The following YIF1B variants were observed in gnomAD, a reference collection of about 807,000 sequenced individuals.
The protein encoded by YIF1B is Yip1 interacting factor homolog B, membrane trafficking protein, also known as protein YIF1B.
In YIF1B, 24 loss-of-function variants were observed where a neutral mutation model predicts 34.6. The observed-to-expected ratio is 0.69, with a 90% CI of 0.50 to 0.98. The LOEUF (loss-of-function observed/expected upper bound fraction) is 0.98, where lower values mean the gene tolerates loss of function less well. Among genes scored for constraint, YIF1B ranks in the 50% least tolerant of loss-of-function variants. YIF1B has a pLI of 0.00. For missense variants in YIF1B, 368 were observed against 429.4 expected (o/e 0.86, Z 1.26); for synonymous variants, 186 against 184.8 (o/e 1.01, Z -0.05).
chr19:38,314,683 G>A (rs1207641447), intron 1 of YIF1B, among the ~76,000 whole-genome samples: 2 of 134,316 alleles, frequency 1.5e-5, no homozygotes, highest in Non-Finnish European at 3.0e-5. Context: ...GTGCAATCTC[G>A]CCTCAGTGCA....
upstream of YIF1B, among the ~76,000 whole-genome samples, chr19:38,318,137 G>A (rs935759517): frequency 1.7e-4 from 24 of 137,172 alleles, no homozygotes; most frequent in African/African-American, 4.8e-4. Flanking sequence ...AGGTTGCAGC[G>A]AGCCGAGATT....
intron 1 of YIF1B, among the ~76,000 whole-genome samples, chr19:38,314,600 G>A (rs1969464494): frequency 6.6e-6 from 1 of 151,108 alleles, no homozygotes; most frequent in Non-Finnish European, 1.5e-5. Flanking sequence ...GGAGGCCAAG[G>A]CAGGTGGATC....
upstream of YIF1B, among the ~76,000 whole-genome samples, chr19:38,316,547 G>A (rs559886310): frequency 6.6e-5 from 10 of 152,284 alleles, no homozygotes; most frequent in East Asian, 1.7e-3. Flanking sequence ...GTTCTCTGCA[G>A]ACAGCCGTTC....
chr19:38,320,173 G>C, upstream of YIF1B: 1 of 1,599,548 alleles, frequency 6.3e-7, no homozygotes, highest in Non-Finnish European at 8.5e-7. Context: ...GCTGGGGCGG[G>C]TCGTGCTTGC....
Position 38,305,418 on chromosome 19 carries a change from C to CAGGT in YIF1B, c.875_878dup (p.Thr294ProfsTer77). Reference sequence around the variant, plus strand: ...GCTGCGCCGCCGCCACCGCCATGGTCAGGTACATGCGCAGCTGGTTCCGGG... The same window carrying CAGGT: ...GCTGCGCCGCCGCCACCGCCATGGTCAGGTAGGTACATGCGCAGCTGGTTCCGGG... On this transcript the variant is annotated frameshift_variant, in exon 8 of 8. Coordinates refer to ENST00000339413, the MANE Select transcript of YIF1B (RefSeq NM_001039672.3). LOFTEE classifies it high-confidence loss of function. 1 of 1,610,944 alleles carries CAGGT rather than the reference C, an allele frequency of 6.2e-7. No homozygotes were observed. Among genetic ancestry groups the CAGGT allele is most frequent in the Non-Finnish European group, 8.5e-7 (1 of 1,178,554 alleles).
chr19:38,320,210 C>G, upstream of YIF1B: 2 of 1,603,322 alleles, frequency 1.2e-6, no homozygotes, highest in Non-Finnish European at 1.7e-6. Context: ...GCCAACGCCT[C>G]GGACCCCGCC....
upstream of YIF1B, chr19:38,320,344 C>A: frequency 6.6e-7 from 1 of 1,517,180 alleles, no homozygotes. Flanking sequence ...CTGGGGACCC[C>A]GGGGCCCTCA....
intron 1 of YIF1B, among the ~76,000 whole-genome samples, chr19:38,311,506 A>G (rs1286871437): frequency 6.6e-6 from 1 of 152,052 alleles, no homozygotes; most frequent in Non-Finnish European, 1.5e-5. Context: ...CCAGCTGCCA[A>G]TGCTATCATC....
upstream of YIF1B, chr19:38,319,795 G>T (rs1333867362): frequency 2.6e-6 from 2 of 768,646 alleles, no homozygotes; most frequent in Admixed American, 4.3e-5. Flanking sequence ...GCATTCCTCC[G>T]TCGCCGCCCC....
upstream of YIF1B, among the ~76,000 whole-genome samples, chr19:38,318,434 C>T (rs1241341282): frequency 2.6e-5 from 4 of 152,072 alleles, no homozygotes; most frequent in East Asian, 5.8e-4. Flanking sequence ...CAGACGCATG[C>T]CACCACACTT....
chr19:38,308,929 A>C, intron 4 of YIF1B, 50 bp downstream of exon 4: 1 of 1,613,132 alleles, frequency 6.2e-7, no homozygotes, highest in Non-Finnish European at 8.5e-7. Context: ...CACCCGCTCC[A>C]TATAGGCCCG....
In YIF1B at chr19:38,305,442, G is replaced by A; in HGVS notation, c.855C>T (p.Ala285=). ...TCAGGTACATGCGCAGCTGGTTCCG[G>A]GCCCCACGCACCGGGACCCCCTCAG... ...AAAEGVPVRG[A]RNQLRMYLTM... The change falls in exon 8 of 8, where the codon GCC becomes GCT. Residue 285 remains alanine (A), a synonymous_variant. Transcript: ENST00000339413. 2 of 1,610,376 alleles carry A rather than the reference G, an allele frequency of 1.2e-6. No homozygotes were observed. Among genetic ancestry groups the A allele is most frequent in the South Asian group, 2.2e-5 (2 of 90,920 alleles).
upstream of YIF1B, chr19:38,320,291 G>T (rs371193964): frequency 2.6e-4 from 421 of 1,603,130 alleles, no homozygotes; most frequent in Non-Finnish European, 3.3e-4. Flanking sequence ...GCGCCTCACC[G>T]CAAGGCGGCG....
intron 1 of YIF1B, among the ~76,000 whole-genome samples, chr19:38,311,292 AAAAAAAC>A (rs1038925515): frequency 3.9e-5 from 6 of 152,032 alleles, no homozygotes; most frequent in East Asian, 1.9e-4. Context: ...GTCTCAAAAA[AAAAAAAC>A]AAAAAACAAA....
At chr19:38,314,004 T>TAA (rs1324789213) in intron 1 of YIF1B, among the ~76,000 whole-genome samples, 1 of 152,184 alleles carries the variant, frequency 6.6e-6, no homozygotes, top group East Asian at 1.9e-4. Flanking sequence ...GGCACAGGCC[T>TAA]CCAATGCCTT....
chr19:38,311,177 C>T (rs924364100), intron 1 of YIF1B, among the ~76,000 whole-genome samples: 6 of 151,870 alleles, frequency 4.0e-5, no homozygotes, highest in Non-Finnish European at 7.4e-5. Context: ...GTCCCAGCTA[C>T]TCGGGAGGCC....
chr19:38,320,651 C>T (rs182092147), upstream of YIF1B, among the ~76,000 whole-genome samples: 16 of 152,162 alleles, frequency 1.1e-4, no homozygotes, highest in East Asian at 3.1e-3. Context: ...CTCCGCCTCC[C>T]GGTTTCAAGC....
chr19:38,316,247 C>A (rs1015279504), upstream of YIF1B, among the ~76,000 whole-genome samples: 1 of 152,126 alleles, frequency 6.6e-6, no homozygotes, highest in African/African-American at 2.4e-5. Context: ...GGCTCACGCC[C>A]CTAACTCCAG....
rs755946845 is a variant in YIF1B, at chr19:38,309,202, A to C, written c.402+22T>G. The C allele has an allele frequency of 3.7e-6, 6 of 1,612,390 alleles. No homozygotes were observed. The East Asian group carries it at 1.1e-4, about 30-fold the overall frequency. On this transcript the variant is annotated intron_variant, in intron 3 of 7. Transcript: ENST00000339413. The stretch of plus-strand genomic sequence containing the variant: ...CCCCCCACAGGCCCACTGCAGACCC[A>C]CATTCCCCTGGGGGTGCTGACCTGG...
Sources: allele counts gnomAD v4.1 joint callset (sites outside exome capture counted in the v4.1 genomes callset), GRCh38; gene constraint gnomAD v4.1.1; transcripts MANE v1.5; gene names NCBI Gene and HGNC (gene_info 2026-07-23, HGNC 2026-07-21).